Variants in ADGRL3 observed in about 807,000 individuals in gnomAD.
ADGRL3 encodes adhesion G protein-coupled receptor L3, also known as calcium-independent alpha-latrotoxin receptor 3.
Under a neutral mutation model 153.5 loss-of-function variants are expected in ADGRL3, and 62 were observed. The ratio of observed to expected loss-of-function variants is 0.40; its 90% CI spans 0.33 to 0.50. The LOEUF (loss-of-function observed/expected upper bound fraction) is 0.50, where lower values mean the gene tolerates loss of function less well. ADGRL3 is among the 20% of genes least tolerant of loss of function. ADGRL3 has a pLI of 0.47. For synonymous variants in ADGRL3, 710 were observed against 672.5 expected (o/e 1.06, Z -0.86); for missense variants, 1,641 against 1,859.4 (o/e 0.88, Z 2.16).
intron 17 of ADGRL3, among the ~76,000 whole-genome samples, chr4:61,973,326 A>G (rs957981097): frequency 6.6e-6 from 1 of 152,072 alleles, no homozygotes; most frequent in South Asian, 2.1e-4. Context: ...CACTTTCACA[A>G]GTGACATTCA....
At chr4:61,490,490 G>A (rs1275918605) in intron 2 of ADGRL3, among the ~76,000 whole-genome samples, 1 of 151,980 alleles carries the variant, frequency 6.6e-6, no homozygotes, top group Non-Finnish European at 1.5e-5. Flanking sequence ...AAACACACAT[G>A]TAAATTTGTT....
intron 9 of ADGRL3, among the ~76,000 whole-genome samples, chr4:61,878,070 A>G (rs2149455668): frequency 6.6e-6 from 1 of 152,206 alleles, no homozygotes; most frequent in Non-Finnish European, 1.5e-5. Flanking sequence ...AGTCAGTTTG[A>G]CCAATTTGGT....
intron 1 of ADGRL3, among the ~76,000 whole-genome samples, chr4:61,377,764 T>G (rs1395419955): frequency 6.6e-6 from 1 of 151,950 alleles, no homozygotes; most frequent in Non-Finnish European, 1.5e-5. Context: ...CTTTTTCTCT[T>G]TGTTTAAGGT....
At chr4:61,973,013 A>G (rs1041907656) in intron 17 of ADGRL3, among the ~76,000 whole-genome samples, 1 of 152,096 alleles carries the variant, frequency 6.6e-6, no homozygotes, top group African/African-American at 2.4e-5. Context: ...AAAAAGAAGA[A>G]AAAAAACCTA....
At chr4:61,874,819 T>TTTTTG (rs2098465315) in intron 9 of ADGRL3, among the ~76,000 whole-genome samples, 1 of 113,558 alleles carries the variant, frequency 8.8e-6, no homozygotes, top group African/African-American at 3.6e-5. Context: ...TTTTTTTTTT[T>TTTTTG]GAGACGGAGT....
intron 4 of ADGRL3, among the ~76,000 whole-genome samples, chr4:61,526,495 T>C (rs1041260889): frequency 6.6e-6 from 1 of 152,022 alleles, no homozygotes; most frequent in African/African-American, 2.4e-5. Flanking sequence ...CTAATACACT[T>C]GGCTGGGCAT....
chr4:62,015,655 A>G (rs1269959493), intron 21 of ADGRL3, among the ~76,000 whole-genome samples: 1 of 152,170 alleles, frequency 6.6e-6, no homozygotes, highest in Admixed American at 6.5e-5. Flanking sequence ...GTAAGTTTTA[A>G]TAATGTGCAT....
intron 9 of ADGRL3, among the ~76,000 whole-genome samples, chr4:61,860,289 G>A (rs1243231346): frequency 1.3e-5 from 2 of 152,090 alleles, no homozygotes; most frequent in Non-Finnish European, 2.9e-5. Flanking sequence ...CTGAACAACA[G>A]TCCCATTTCT....
chr4:61,611,123 T>G lies in ADGRL3; in HGVS notation c.473+23683T>G, dbSNP rs1291603007. The stretch of plus-strand genomic sequence containing the variant: ...GTTTGTCCATATGCGTTTTTCAGAG[T>G]TGATGCTTAACAGGTAGTTTTCTTT... On this transcript the variant is annotated intron_variant, in intron 5 of 26. Coordinates refer to ENST00000683033, the MANE Select transcript of ADGRL3 (RefSeq NM_001387552.1). Among the ~76,000 whole-genome samples, 5 of 152,144 alleles carry G rather than the reference T, an allele frequency of 3.3e-5. No individual in the cohort carries two copies. In the East Asian group the frequency reaches 9.7e-4, roughly 29 times the overall value.
chr4:61,523,928 G>A (rs1483844204), intron 4 of ADGRL3, among the ~76,000 whole-genome samples: 1 of 151,948 alleles, frequency 6.6e-6, no homozygotes, highest in Non-Finnish European at 1.5e-5. Context: ...CTAGAAAATA[G>A]GTGCTAAACT....
At chr4:61,684,450 A>G in intron 6 of ADGRL3, among the ~76,000 whole-genome samples, 1 of 152,112 alleles carries the variant, frequency 6.6e-6, no homozygotes, top group East Asian at 1.9e-4. Context: ...TCCTGTAATG[A>G]TCTAGGCTGG....
chr4:61,705,175 C>G (rs2095836144), intron 6 of ADGRL3, among the ~76,000 whole-genome samples: 1 of 152,104 alleles, frequency 6.6e-6, no homozygotes, highest in Non-Finnish European at 1.5e-5. Flanking sequence ...ATATCACTAT[C>G]TATGGCAGCT....
intron 2 of ADGRL3, among the ~76,000 whole-genome samples, chr4:61,450,814 A>C (rs567125193): frequency 6.6e-6 from 1 of 152,270 alleles, no homozygotes; most frequent in South Asian, 2.1e-4. Context: ...TTTGAGAACC[A>C]CGTGAAAAAT....
chr4:61,494,014 T>G (rs958105769), intron 2 of ADGRL3, among the ~76,000 whole-genome samples: 1 of 152,118 alleles, frequency 6.6e-6, no homozygotes, highest in Non-Finnish European at 1.5e-5. Context: ...ATGTGTAGCA[T>G]GTGATAAGTA....
intron 1 of ADGRL3, among the ~76,000 whole-genome samples, chr4:61,206,587 T>G (rs1737300399): frequency 6.6e-6 from 1 of 152,246 alleles, no homozygotes; most frequent in African/African-American, 2.4e-5. Flanking sequence ...GCATCATTGC[T>G]CTGATGGCAT....
chr4:61,710,385 T>C (rs2095948525), intron 6 of ADGRL3, among the ~76,000 whole-genome samples: 1 of 152,178 alleles, frequency 6.6e-6, no homozygotes, highest in African/African-American at 2.4e-5. Flanking sequence ...TGTTGGCCTT[T>C]TGAGACTTCA....
chr4:61,443,459 T>G (rs1016198438), intron 2 of ADGRL3, among the ~76,000 whole-genome samples: 9 of 152,304 alleles, frequency 5.9e-5, no homozygotes, highest in Admixed American at 4.6e-4. Flanking sequence ...AATATCATTG[T>G]GTGCTAAGTT....
chr4:61,748,064 A>G (rs1313382487), intron 8 of ADGRL3, among the ~76,000 whole-genome samples: 2 of 151,512 alleles, frequency 1.3e-5, no homozygotes, highest in Non-Finnish European at 2.9e-5. Context: ...TACACCAATA[A>G]CAGACAAACA....
chr4:61,561,387 A>G (rs987645825), intron 4 of ADGRL3, among the ~76,000 whole-genome samples: 1 of 152,176 alleles, frequency 6.6e-6, no homozygotes, highest in African/African-American at 2.4e-5. Flanking sequence ...CATCTCCTTT[A>G]TAATCTCATT....
Sources: gnomAD v4.1 joint callset for allele counts (sites outside exome capture counted in the v4.1 genomes callset) on GRCh38, gnomAD v4.1.1 for gene constraint, MANE v1.5 for transcripts, NCBI Gene and HGNC (gene_info 2026-07-23, HGNC 2026-07-21) for gene names.